The following SLC44A5 variants were observed in gnomAD, a reference collection of about 807,000 sequenced individuals.
SLC44A5 encodes the protein solute carrier family 44 member 5, also known as choline transporter-like protein 5.
In SLC44A5, 57 loss-of-function variants were observed where a neutral mutation model predicts 101.8. That is an observed-to-expected ratio of 0.56 (90% CI 0.45 to 0.70). The LOEUF (loss-of-function observed/expected upper bound fraction) is 0.70, where lower values mean the gene tolerates loss of function less well. Ranked by LOEUF, SLC44A5 falls within the 30% of genes least tolerant of loss-of-function variation. The probability of loss-of-function intolerance (pLI) is 0.00; values close to 1 mark genes in which losing one functional copy is unlikely to be tolerated. For synonymous variants in SLC44A5, 281 were observed against 290.9 expected (o/e 0.97, Z 0.35); for missense variants, 737 against 853.1 (o/e 0.86, Z 1.70).
chr1:75,376,476 G>A (rs559494186), intron 3 of SLC44A5, among the ~76,000 whole-genome samples: 327 of 152,304 alleles, frequency 2.1e-3, no homozygotes, highest in East Asian at 0.01. Flanking sequence ...CTCCCAGCAC[G>A]CAGCTGGAGA....
chr1:75,377,252 C>G (rs2101220461), intron 3 of SLC44A5, among the ~76,000 whole-genome samples: 1 of 129,744 alleles, frequency 7.7e-6, no homozygotes, highest in African/African-American at 3.0e-5. Flanking sequence ...TGTGCTGTGT[C>G]AACTCAGAGT....
chr1:75,215,596 A>C (rs1646944898), intron 19 of SLC44A5, among the ~76,000 whole-genome samples, 158 bp downstream of exon 19: 1 of 152,128 alleles, frequency 6.6e-6, no homozygotes, highest in Non-Finnish European at 1.5e-5. Flanking sequence ...CAACTAGGGA[A>C]GCATATCCCT....
chr1:75,205,858 G>A (rs1255006558), intron 23 of SLC44A5: 1 of 152,140 alleles, frequency 6.6e-6, no homozygotes, highest in Admixed American at 6.6e-5. Flanking sequence ...CAAAAGGCAT[G>A]AGTTATGTAA....
chr1:75,511,524 G>C (rs1051548594), intron 2 of SLC44A5, among the ~76,000 whole-genome samples: 1 of 152,146 alleles, frequency 6.6e-6, no homozygotes, highest in South Asian at 2.1e-4. Context: ...CAGCCTAGCA[G>C]AGTATTTCTT....
the SLC44A5 span, among the ~76,000 whole-genome samples, chr1:75,711,105 T>C: frequency 1.3e-5 from 2 of 152,202 alleles, no homozygotes; most frequent in Admixed American, 6.5e-5. Context: ...ACAGCCAATC[T>C]GATTGACTAA....
chr1:75,560,790 A>C (rs1570615594), intron 1 of SLC44A5, among the ~76,000 whole-genome samples: 1 of 152,214 alleles, frequency 6.6e-6, no homozygotes, highest in East Asian at 1.9e-4. Flanking sequence ...TTTATTAATC[A>C]CCTATTACGA....
intron 1 of SLC44A5, among the ~76,000 whole-genome samples, chr1:75,551,593 T>A (rs1671941017): frequency 6.6e-6 from 1 of 152,028 alleles, no homozygotes; most frequent in South Asian, 2.1e-4. Flanking sequence ...GTAAGTTTGG[T>A]CAGAAGGGAT....
chr1:75,461,521 C>CA (rs1338290788), intron 2 of SLC44A5, among the ~76,000 whole-genome samples: 1 of 152,116 alleles, frequency 6.6e-6, no homozygotes, highest in African/African-American at 2.4e-5. Context: ...CCAAGTCAAC[C>CA]AAGTCACCAA....
At chr1:75,390,761 C>T (rs538761150) in intron 3 of SLC44A5, among the ~76,000 whole-genome samples, 6 of 152,122 alleles carry the variant, frequency 3.9e-5, no homozygotes, top group Non-Finnish European at 8.8e-5. Flanking sequence ...AAACTGGAAG[C>T]ATTTCCCTTG....
At chr1:75,463,432 A>T (rs1666625090) in intron 2 of SLC44A5, among the ~76,000 whole-genome samples, 1 of 151,266 alleles carries the variant, frequency 6.6e-6, no homozygotes, top group Admixed American at 6.6e-5. Context: ...AAAAAAAAAA[A>T]AAAAAAAAAA....
chr1:75,283,804 G>C lies in SLC44A5; in HGVS notation c.176-8762C>G, dbSNP rs144685920. Among the ~76,000 whole-genome samples the C allele has an allele frequency of 1.9e-3, 284 of 152,038 alleles. 1 individual carries two copies. Among genetic ancestry groups the C allele is most frequent in the African/African-American group, 6.6e-3 (273 of 41,488 alleles). On this transcript the variant is annotated intron_variant, in intron 5 of 23. Coordinates refer to ENST00000370859, the MANE Select transcript of SLC44A5 (RefSeq NM_001130058.2). ...TTGCTTTGTCGAAGATCAGTTGGCT[G>C]TAAGTATTTGGCTTTATTTCTGGGT...
chr1:75,361,534 C>G (rs1659488054), intron 3 of SLC44A5, among the ~76,000 whole-genome samples: 1 of 151,958 alleles, frequency 6.6e-6, no homozygotes, highest in Non-Finnish European at 1.5e-5. Flanking sequence ...TATACCTAAT[C>G]TGTTGAGAGT....
intron 1 of SLC44A5, among the ~76,000 whole-genome samples, chr1:75,595,181 A>C (rs1674565027): frequency 6.6e-6 from 1 of 152,076 alleles, no homozygotes; most frequent in East Asian, 1.9e-4. Context: ...CAAGTTTTAA[A>C]GATTCCAAAT....
chr1:75,278,808 G>A (rs1310731927), intron 5 of SLC44A5, among the ~76,000 whole-genome samples: 2 of 152,036 alleles, frequency 1.3e-5, no homozygotes, highest in African/African-American at 2.4e-5. Flanking sequence ...TTTCCTAAAT[G>A]AACAAATTTT....
chr1:75,251,311 CAT>C lies in SLC44A5; in HGVS notation c.261-19_261-18del, dbSNP rs1557578997. The C allele has an allele frequency of 6.9e-6, 11 of 1,592,116 alleles. No individual in the cohort carries two copies. The highest frequency in any genetic ancestry group is 1.7e-5 in the Admixed American group (1 of 59,048). ...GTCTTGTTCCTGTTAAGAAAGAAAA[CAT>C]AATCTTTTTAGTGACCATGGAAATG... is the stretch of plus-strand genomic sequence containing the variant. On this transcript the variant is annotated intron_variant, in intron 6 of 23. Transcript: ENST00000370859.
chr1:75,580,843 A>G (rs7524072), intron 1 of SLC44A5, among the ~76,000 whole-genome samples: 23,271 of 151,326 alleles, frequency 0.15, 2,182 homozygotes, highest in Admixed American at 0.23. Context: ...GTCTCAAAAA[A>G]AAAAACAAAG....
the SLC44A5 span, chr1:75,641,748 C>T: frequency 1.3e-6 from 2 of 1,579,412 alleles, no homozygotes; most frequent in Non-Finnish European, 1.7e-6. Flanking sequence ...CTGAGTTTTG[C>T]ATAGGCAACC....
chr1:75,304,840 C>A (rs936580260), intron 4 of SLC44A5, among the ~76,000 whole-genome samples: 1 of 152,102 alleles, frequency 6.6e-6, no homozygotes, highest in African/African-American at 2.4e-5. Context: ...CCCACTGGGT[C>A]CCAGAAAGAA....
chr1:75,288,058 T>C (rs1171272659), intron 5 of SLC44A5, among the ~76,000 whole-genome samples: 2 of 152,170 alleles, frequency 1.3e-5, no homozygotes, highest in African/African-American at 2.4e-5. Context: ...TTGTGTCCTT[T>C]GTCTTCAAAG....
Sources: allele counts gnomAD v4.1 joint callset (sites outside exome capture counted in the v4.1 genomes callset), GRCh38; gene constraint gnomAD v4.1.1; transcripts MANE v1.5; gene names NCBI Gene and HGNC (gene_info 2026-07-23, HGNC 2026-07-21).